GPC5: variants seen among roughly 807,000 people sequenced by gnomAD.
GPC5 encodes the protein glypican 5, also known as glypican-5.
A neutral mutation model predicts 53.9 loss-of-function variants in GPC5; 47 were observed. The ratio of observed to expected loss-of-function variants is 0.87; its 90% CI spans 0.69 to 1.11. GPC5 has a LOEUF of 1.11. Among genes scored for constraint, GPC5 ranks in the 50% most tolerant of loss-of-function variants. The pLI is 0.00. For missense variants in GPC5, 748 were observed against 713.1 expected (o/e 1.05, Z -0.56); for synonymous variants, 286 against 263.3 (o/e 1.09, Z -0.84).
At chr13:92,180,141 A>C (rs2042136357) in intron 7 of GPC5, among the ~76,000 whole-genome samples, 1 of 152,220 alleles carries the variant, frequency 6.6e-6, no homozygotes, top group African/African-American at 2.4e-5. Flanking sequence ...GTGGTGGTCC[A>C]GGATACCCAG....
At chr13:91,731,963 T>C (rs1371963364) in intron 4 of GPC5, among the ~76,000 whole-genome samples, 2 of 152,240 alleles carry the variant, frequency 1.3e-5, no homozygotes, top group African/African-American at 4.8e-5. Flanking sequence ...TTCCATGTAT[T>C]TGCTATTGTA....
At chr13:92,118,931 T>C (rs1408632879) in intron 6 of GPC5, among the ~76,000 whole-genome samples, 1 of 152,228 alleles carries the variant, frequency 6.6e-6, no homozygotes, top group East Asian at 1.9e-4. Flanking sequence ...AAGAAAAGGT[T>C]TTAAATACTT....
chr13:92,753,097 CT>C (rs1340134526), intron 7 of GPC5, among the ~76,000 whole-genome samples: 3 of 152,200 alleles, frequency 2.0e-5, no homozygotes, highest in African/African-American at 7.2e-5. Flanking sequence ...CCTCTGACAG[CT>C]TTGAAGAGAG....
At chr13:92,440,860 T>C (rs942696244) in intron 7 of GPC5, among the ~76,000 whole-genome samples, 3 of 152,234 alleles carry the variant, frequency 2.0e-5, no homozygotes, top group African/African-American at 4.8e-5. Context: ...TTTTTTCTTA[T>C]GTTTGTTGGC....
intron 7 of GPC5, among the ~76,000 whole-genome samples, chr13:92,264,884 G>C (rs1009513038): frequency 2.5e-3 from 145 of 58,474 alleles, no homozygotes; most frequent in African/African-American, 8.1e-3. Context: ...CTCTCTGTGT[G>C]TGTGTGTGTG....
chr13:92,412,849 C>T (rs558597346), intron 7 of GPC5, among the ~76,000 whole-genome samples: 55 of 152,244 alleles, frequency 3.6e-4, no homozygotes, highest in South Asian at 1.9e-3. Context: ...TTCATTAATA[C>T]ATTACTTTGC....
At position 92,490,038 on chromosome 13, in the gene GPC5, A is replaced by G. The variant is rs539767714; in HGVS notation, c.1561+345049A>G. 7 of 153,124 alleles carry G rather than the reference A, an allele frequency of 4.6e-5. No homozygotes were observed. The South Asian group carries it at 8.3e-4, about 18-fold the overall frequency. The allele number at this position is 153,124 out of a possible 1,614,324, so 9.5% of individuals were successfully genotyped here. On this transcript the variant is annotated intron_variant, in intron 7 of 7. Transcript: ENST00000377067. ...CTTCTTCCTCTTAGAATGTCTGTTTACATACTCTTCTTGTGCATTTTAAAA... is the reference window on the plus strand; with the variant it reads ...CTTCTTCCTCTTAGAATGTCTGTTTGCATACTCTTCTTGTGCATTTTAAAA...
chr13:92,787,033 G>GTCTT (rs1307392907), intron 7 of GPC5, among the ~76,000 whole-genome samples: 3 of 152,138 alleles, frequency 2.0e-5, no homozygotes, highest in African/African-American at 7.2e-5. Context: ...GTTCATATTA[G>GTCTT]TCTTTCTTTT....
intron 7 of GPC5, among the ~76,000 whole-genome samples, chr13:92,305,803 C>A (rs754211719): frequency 6.6e-6 from 1 of 152,130 alleles, no homozygotes; most frequent in African/African-American, 2.4e-5. Context: ...ACAAAGTCCA[C>A]GATTTCTTCC....
intron 5 of GPC5, among the ~76,000 whole-genome samples, chr13:91,885,130 A>C (rs1041709031): frequency 3.9e-5 from 6 of 152,110 alleles, no homozygotes; most frequent in African/African-American, 1.4e-4. Context: ...TTGAAACATT[A>C]ATGTTGATTA....
At chr13:92,484,896 G>C (rs1014341080) in intron 7 of GPC5, among the ~76,000 whole-genome samples, 1 of 150,714 alleles carries the variant, frequency 6.6e-6, no homozygotes, top group Non-Finnish European at 1.5e-5. Flanking sequence ...CACCATGCCC[G>C]GCTAATTTTT....
chr13:92,590,659 T>C (rs1385080225), intron 7 of GPC5, among the ~76,000 whole-genome samples: 2 of 152,214 alleles, frequency 1.3e-5, no homozygotes, highest in East Asian at 3.9e-4. Flanking sequence ...CAATTCAAGT[T>C]TTATGATAAA....
intron 5 of GPC5, among the ~76,000 whole-genome samples, chr13:91,759,679 A>C (rs1213630661): frequency 6.6e-6 from 1 of 151,806 alleles, no homozygotes; most frequent in Non-Finnish European, 1.5e-5. Flanking sequence ...CTCCAGTTCC[A>C]TCCCCTTGAT....
chr13:91,417,902 G>A (rs1000830923), intron 1 of GPC5, among the ~76,000 whole-genome samples: 1 of 152,110 alleles, frequency 6.6e-6, no homozygotes, highest in Non-Finnish European at 1.5e-5. Flanking sequence ...CATCTTATGT[G>A]TGGTTTTACT....
chr13:92,294,119 T>A (rs568080193), intron 7 of GPC5, among the ~76,000 whole-genome samples: 1 of 152,324 alleles, frequency 6.6e-6, no homozygotes, highest in East Asian at 1.9e-4. Flanking sequence ...GATTTTAGCA[T>A]CTGTGTTCAT....
chr13:92,536,343 T>C (rs1304893730), intron 7 of GPC5, among the ~76,000 whole-genome samples: 1 of 152,112 alleles, frequency 6.6e-6, no homozygotes, highest in African/African-American at 2.4e-5. Context: ...CAATAAAAAG[T>C]AGAAGAACCC....
intron 6 of GPC5, among the ~76,000 whole-genome samples, chr13:91,919,511 A>G (rs2039690672): frequency 6.6e-6 from 1 of 152,232 alleles, no homozygotes; most frequent in Admixed American, 6.5e-5. Context: ...GTGATAAAAT[A>G]TAGTCTTTTG....
chr13:92,369,892 C>T (rs1035057724), intron 7 of GPC5, among the ~76,000 whole-genome samples: 1 of 152,146 alleles, frequency 6.6e-6, no homozygotes, highest in South Asian at 2.1e-4. Context: ...CTCTACAATT[C>T]TATTAAGGAA....
chr13:92,718,137 T>C (rs1888390474), intron 7 of GPC5, among the ~76,000 whole-genome samples: 1 of 152,122 alleles, frequency 6.6e-6, no homozygotes, highest in African/African-American at 2.4e-5. Context: ...TGGAAAACAG[T>C]ATGGAAGTTT....
Sources: allele counts gnomAD v4.1 joint callset (sites outside exome capture counted in the v4.1 genomes callset), GRCh38; gene constraint gnomAD v4.1.1; transcripts MANE v1.5; gene names NCBI Gene and HGNC (gene_info 2026-07-23, HGNC 2026-07-21).